The following NAALADL2 variants were observed in gnomAD, a reference collection of about 807,000 sequenced individuals.
NAALADL2 encodes N-acetylated alpha-linked acidic dipeptidase like 2, also known as inactive N-acetylated-alpha-linked acidic dipeptidase-like protein 2.
In NAALADL2, 76 loss-of-function variants were observed where a neutral mutation model predicts 87.2. The ratio of observed to expected loss-of-function variants is 0.87; its 90% CI spans 0.72 to 1.05. The LOEUF (loss-of-function observed/expected upper bound fraction) is 1.05, where lower values mean the gene tolerates loss of function less well. NAALADL2 is among the 50% of genes least tolerant of loss of function. The pLI is 0.00. For synonymous variants in NAALADL2, 354 were observed against 331.0 expected, an observed-to-expected ratio of 1.07 and a Z score of -0.75; for missense variants, 1,089 against 945.8, an observed-to-expected ratio of 1.15 and a Z score of -1.99.
chr3:175,099,369 C>G (rs1721725586), intron 2 of NAALADL2, among the ~76,000 whole-genome samples: 1 of 152,168 alleles, frequency 6.6e-6, no homozygotes, highest in Admixed American at 6.6e-5. Context: ...AGCTAGTACT[C>G]TGTAGTTAGA....
At chr3:174,610,561 A>G (rs1476237755) in intron 2 of NAALADL2, among the ~76,000 whole-genome samples, 2 of 152,344 alleles carry the variant, frequency 1.3e-5, no homozygotes, top group East Asian at 1.9e-4. Flanking sequence ...AAACACGTGA[A>G]AAAATGCTCA....
chr3:174,847,528 A>G (rs1348978429), intron 3 of NAALADL2, among the ~76,000 whole-genome samples: 2 of 152,194 alleles, frequency 1.3e-5, no homozygotes, highest in African/African-American at 2.4e-5. Context: ...ACAGTTGAAC[A>G]TATTTGTCTG....
At chr3:175,143,625 GAATAA>G (rs1730341423) in intron 2 of NAALADL2, among the ~76,000 whole-genome samples, 1 of 148,030 alleles carries the variant, frequency 6.8e-6, no homozygotes, top group Non-Finnish European at 1.5e-5. Flanking sequence ...AGCTAGCATA[GAATAA>G]GACAGGCACT....
intron 11 of NAALADL2, among the ~76,000 whole-genome samples, chr3:175,709,672 T>G (rs939910001): frequency 6.6e-6 from 1 of 152,116 alleles, no homozygotes; most frequent in Non-Finnish European, 1.5e-5. Flanking sequence ...TGGAAGTACC[T>G]AGTGAAATTG....
chr3:175,356,380 C>T lies in NAALADL2; in HGVS notation c.1090+32055C>T, dbSNP rs547503030. On this transcript the variant is annotated intron_variant, in intron 5 of 13. Transcript: ENST00000454872. ...GGAGGATTGCTTGAGCCCAAGAGTTCAAGACCAACATAGTGAGACCTCATT... is the reference window on the plus strand; with the variant it reads ...GGAGGATTGCTTGAGCCCAAGAGTTTAAGACCAACATAGTGAGACCTCATT... Among the ~76,000 whole-genome samples, 221 of 151,804 alleles carry T rather than the reference C, an allele frequency of 1.5e-3. 2 individuals are homozygous for T. Among genetic ancestry groups the T allele is most frequent in the African/African-American group, 5.1e-3 (210 of 41,430 alleles).
At position 174,645,921 on chromosome 3, in the gene NAALADL2, A is replaced by T. The variant is rs138026534; in HGVS notation, c.-114-91720A>T. Among the ~76,000 whole-genome samples the T allele has an allele frequency of 1.1e-4, 16 of 152,332 alleles. No homozygotes were observed. In the East Asian group the frequency reaches 1.7e-3, roughly 17 times the overall value. On this transcript the variant is annotated intron_variant, in intron 2 of 3. Coordinates refer to the NAALADL2 transcript ENST00000434257. The stretch of plus-strand genomic sequence containing the variant: ...TAAAGGCCTTAGGTATGGAATGAAT[A>T]TCTCATTTCCTTTTGCTAATCACAA...
intron 2 of NAALADL2, among the ~76,000 whole-genome samples, chr3:174,699,217 G>A (rs553283387): frequency 3.5e-4 from 53 of 152,142 alleles, no homozygotes; most frequent in African/African-American, 1.2e-3. Context: ...AAGGTGGTGG[G>A]CCGGGCACAG....
chr3:174,837,039 T>G (rs949856992), intron 3 of NAALADL2, among the ~76,000 whole-genome samples: 2 of 151,900 alleles, frequency 1.3e-5, no homozygotes, highest in African/African-American at 4.8e-5. Flanking sequence ...AATGCCTACA[T>G]TAAAAAATCT....
chr3:174,798,961 G>T (rs1185428864), intron 3 of NAALADL2, among the ~76,000 whole-genome samples: 2 of 152,060 alleles, frequency 1.3e-5, no homozygotes, highest in African/African-American at 4.8e-5. Context: ...CCTGAGGTCA[G>T]AAGTTCAAGA....
chr3:174,644,442 TAAGGAG>T (rs1343963060), intron 2 of NAALADL2, among the ~76,000 whole-genome samples: 1 of 152,100 alleles, frequency 6.6e-6, no homozygotes, highest in East Asian at 1.9e-4. Context: ...CTGAGTAGGC[TAAGGAG>T]GAAGAGGAAG....
chr3:175,757,848 TA>T (rs1262947193), intron 13 of NAALADL2, among the ~76,000 whole-genome samples: 1 of 152,090 alleles, frequency 6.6e-6, no homozygotes, highest in Non-Finnish European at 1.5e-5. Context: ...AATCTAGCAT[TA>T]TTAAAAAGTC....
At chr3:174,989,391 A>G (rs944387491) in intron 1 of NAALADL2, among the ~76,000 whole-genome samples, 2 of 152,194 alleles carry the variant, frequency 1.3e-5, no homozygotes, top group South Asian at 4.1e-4. Context: ...GTAGAAAGAA[A>G]CTTACATTTT....
intron 6 of NAALADL2, among the ~76,000 whole-genome samples, chr3:175,457,895 AT>A: frequency 6.6e-6 from 1 of 151,996 alleles, no homozygotes; most frequent in Non-Finnish European, 1.5e-5. Flanking sequence ...TCTTGGTATG[AT>A]TTTTTTAATT....
intron 13 of NAALADL2, among the ~76,000 whole-genome samples, chr3:175,781,415 T>C (rs1751048990): frequency 6.6e-6 from 1 of 152,112 alleles, no homozygotes; most frequent in South Asian, 2.1e-4. Flanking sequence ...CATGTGTTTG[T>C]AGTGATGATG....
rs553795574 is a variant in NAALADL2 at position 174,580,563 on chromosome 3, C to A, written c.-115+29926C>A. Among the ~76,000 whole-genome samples, 5 of 152,192 alleles carry A rather than the reference C, an allele frequency of 3.3e-5. No individual in the cohort carries two copies. The South Asian group carries it at 1.0e-3, about 32-fold the overall frequency. On this transcript the variant is annotated intron_variant, in intron 2 of 3. Coordinates refer to the NAALADL2 transcript ENST00000434257. ...TCCCTTTCTCCCATCACTTCCTGTG[C>A]CACCTTTTGTTTCCAGGCAGCCATT...
intron 11 of NAALADL2, among the ~76,000 whole-genome samples, chr3:175,628,231 A>G (rs1204229494): frequency 1.3e-5 from 2 of 151,722 alleles, no homozygotes; most frequent in East Asian, 1.9e-4. Flanking sequence ...TTTTTTCTAT[A>G]AAATAGGCTT....
rs1024551897 is a variant in NAALADL2, at chr3:175,787,573, C to T, written c.2190-15432C>T. On this transcript the variant is annotated intron_variant, in intron 13 of 13. Transcript: ENST00000454872. ...CAATGCCTCGCCCTGCTTCGGCTCG[C>T]GCACGGTGCGCGCACCCACTGACCT... is the stretch of plus-strand genomic sequence containing the variant. 5.0e-3 allele frequency among the ~76,000 whole-genome samples: 768 copies of T among 152,250 alleles called. 2 individuals carry two copies. The highest frequency in any genetic ancestry group is 0.018 in the African/African-American group (733 of 41,550).
Position 174,777,972 on chromosome 3 carries a change from A to G in NAALADL2, c.-9+40226A>G, listed in dbSNP as rs1715422711. On this transcript the variant is annotated intron_variant, in intron 3 of 3. Transcript: ENST00000434257. ...ACATAGAGTACAGTATTAGGAATAA[A>G]TATGCATATCTTTTAGGGATGATAT... is the stretch of plus-strand genomic sequence containing the variant. Among the ~76,000 whole-genome samples the G allele has an allele frequency of 2.0e-5, 3 of 152,140 alleles. No homozygotes were observed. In the South Asian group the frequency reaches 6.2e-4, roughly 31 times the overall value.
At chr3:175,349,148 G>A (rs75963940) in intron 5 of NAALADL2, among the ~76,000 whole-genome samples, 1,565 of 148,856 alleles carry the variant, frequency 0.011, 25 homozygotes, top group African/African-American at 0.037. Flanking sequence ...AAGAATGAAA[G>A]AGAGAGAGAG....
Sources: gnomAD v4.1 joint callset for allele counts (sites outside exome capture counted in the v4.1 genomes callset) on GRCh38, gnomAD v4.1.1 for gene constraint, MANE v1.5 for transcripts, NCBI Gene and HGNC (gene_info 2026-07-23, HGNC 2026-07-21) for gene names.